ANK2: variants seen among roughly 807,000 people sequenced by gnomAD.
ANK2 encodes the protein ankyrin 2.
Under a neutral mutation model 360.5 loss-of-function variants are expected in ANK2, and 83 were observed. The observed-to-expected ratio is 0.23, with a 90% confidence interval of 0.19 to 0.28. ANK2 has a LOEUF of 0.28. Ranked by LOEUF, ANK2 falls within the 10% of genes least tolerant of loss-of-function variation. The pLI, the probability that ANK2 is intolerant of heterozygous loss-of-function variation, is 1.00. For missense variants in ANK2, 4,201 were observed against 4,795.7 expected (o/e 0.88, Z 3.66); for synonymous variants, 1,740 against 1,759.5 (o/e 0.99, Z 0.28).
chr4:113,131,547 A>G (rs1468832154), intron 1 of ANK2, among the ~76,000 whole-genome samples: 1 of 152,216 alleles, frequency 6.6e-6, no homozygotes, highest in African/African-American at 2.4e-5. Flanking sequence ...GAAAGCTGCT[A>G]AAAAGCCTGC....
chr4:112,945,812 C>T (rs2154249750), intron 2 of ANK2, among the ~76,000 whole-genome samples: 1 of 152,268 alleles, frequency 6.6e-6, no homozygotes, highest in African/African-American at 2.4e-5. Flanking sequence ...ATTATGTCAC[C>T]TTTCCCAAGT....
intron 15 of ANK2, among the ~76,000 whole-genome samples, chr4:113,275,949 T>G (rs2060085474): frequency 6.8e-6 from 1 of 147,334 alleles, no homozygotes; most frequent in South Asian, 2.2e-4. Context: ...TTTTTTTTTT[T>G]TTTTTTTTTT....
intron 2 of ANK2, among the ~76,000 whole-genome samples, chr4:112,960,171 G>A (rs17008017): frequency 0.026 from 3,901 of 152,214 alleles, 147 homozygotes; most frequent in African/African-American, 0.085. Flanking sequence ...CTGTGATAAC[G>A]TAAAGCCCAT....
At chr4:113,040,961 C>G (rs545237844) in intron 2 of ANK2, among the ~76,000 whole-genome samples, 1 of 152,044 alleles carries the variant, frequency 6.6e-6, no homozygotes, top group African/African-American at 2.4e-5. Context: ...AGGCAAGATG[C>G]CTTCCCACTG....
intron 2 of ANK2, among the ~76,000 whole-genome samples, chr4:112,943,725 C>T (rs2094385132): frequency 6.6e-6 from 1 of 152,050 alleles, no homozygotes; most frequent in African/African-American, 2.4e-5. Context: ...CAGTGTTTCA[C>T]AAAAATAATA....
At chr4:113,305,326 C>T (rs1442933595) in intron 23 of ANK2, among the ~76,000 whole-genome samples, 1 of 103,780 alleles carries the variant, frequency 9.6e-6, no homozygotes, top group Non-Finnish European at 1.8e-5. Context: ...GGCGACAGAG[C>T]GAGACTCCGT....
intron 4 of ANK2, among the ~76,000 whole-genome samples, chr4:113,221,302 A>G (rs900354652): frequency 1.3e-5 from 2 of 152,338 alleles, no homozygotes; most frequent in East Asian, 3.9e-4. Context: ...TTTTCATTAT[A>G]ACTTACTGAG....
At chr4:113,267,290 A>G (rs2056577925) in intron 14 of ANK2, among the ~76,000 whole-genome samples, 1 of 152,160 alleles carries the variant, frequency 6.6e-6, no homozygotes, top group Non-Finnish European at 1.5e-5. Context: ...TTTTGTTGCC[A>G]TGGCTTTTGG....
intron 2 of ANK2, among the ~76,000 whole-genome samples, chr4:113,028,193 G>A (rs2059665966): frequency 1.3e-5 from 2 of 152,004 alleles, no homozygotes; most frequent in African/African-American, 4.8e-5. Flanking sequence ...AAAATACTAT[G>A]AGAGCACAGA....
the ANK2 span, among the ~76,000 whole-genome samples, chr4:112,769,385 T>C: frequency 1.3e-5 from 2 of 152,292 alleles, no homozygotes; most frequent in Admixed American, 6.5e-5. Flanking sequence ...AATTATATAA[T>C]AGGTTAAAGG....
intron 1 of ANK2, among the ~76,000 whole-genome samples, chr4:113,084,020 T>G (rs925374311): frequency 2.6e-5 from 4 of 152,242 alleles, no homozygotes; most frequent in South Asian, 4.1e-4. Context: ...TTGCGATTGT[T>G]CGGGGACTCA....
chr4:113,184,265 A>G (rs1022544723), intron 2 of ANK2, among the ~76,000 whole-genome samples: 1 of 151,820 alleles, frequency 6.6e-6, no homozygotes, highest in Non-Finnish European at 1.5e-5. Flanking sequence ...AAAAGGAGGT[A>G]TACAGAAGTG....
At chr4:113,070,167 T>C (rs1187146029) in intron 1 of ANK2, 1 of 152,164 alleles carries the variant, frequency 6.6e-6, no homozygotes, top group Admixed American at 6.5e-5. Flanking sequence ...CTCAGAGAGG[T>C]TACATCTTAT....
the ANK2 span, among the ~76,000 whole-genome samples, chr4:112,732,555 A>T: frequency 1.3e-5 from 2 of 152,156 alleles, no homozygotes; most frequent in African/African-American, 4.8e-5. Context: ...GGGATTTTTA[A>T]TTGTAGCAGT....
At chr4:112,974,804 C>G (rs888280876) in intron 2 of ANK2, among the ~76,000 whole-genome samples, 16 of 150,506 alleles carry the variant, frequency 1.1e-4, no homozygotes, top group African/African-American at 3.9e-4. Context: ...TTTTCCTCTC[C>G]TCATTTAGCT....
In ANK2 at chr4:113,274,368, A is replaced by C. The variant is rs2059519260; in HGVS notation, c.1486-84A>C. ...TGGGGTTCCTAGAGATTCCAAGAAG[A>C]CATCATGAAATATGTGAGTGAAACA... On this transcript the variant is annotated intron_variant, in intron 14 of 45. Transcript: ENST00000357077. 6 of 1,420,656 alleles carry C rather than the reference A, an allele frequency of 4.2e-6. No individual in the cohort carries two copies. In the Admixed American group the frequency reaches 5.0e-5, roughly 12 times the overall value. The allele number at this position is 1,420,656 out of a possible 1,614,324, so 88.0% of individuals were successfully genotyped here. A position where few individuals can be genotyped will look rare whatever the true frequency, so the allele number is the denominator to read the frequency against.
intron 1 of ANK2, among the ~76,000 whole-genome samples, chr4:112,870,985 G>A (rs1455044851): frequency 6.6e-6 from 1 of 151,922 alleles, no homozygotes; most frequent in Non-Finnish European, 1.5e-5. Context: ...AGTTTTCAGT[G>A]TACTTCTTTA....
chr4:112,915,331 A>G (rs989480742), intron 2 of ANK2, among the ~76,000 whole-genome samples: 5 of 152,228 alleles, frequency 3.3e-5, no homozygotes, highest in Admixed American at 6.5e-5. Context: ...CCACTTTACC[A>G]AGAACATGAG....
chr4:113,339,448 C>T (rs2093992599), intron 32 of ANK2, 126 bp downstream of exon 32: 2 of 788,278 alleles, frequency 2.5e-6, no homozygotes, highest in Admixed American at 2.1e-5. Context: ...ATATGGTCTG[C>T]CTTTGCTTTT....
Sources: allele counts gnomAD v4.1 joint callset (sites outside exome capture counted in the v4.1 genomes callset), GRCh38; gene constraint gnomAD v4.1.1; transcripts MANE v1.5; gene names NCBI Gene and HGNC (gene_info 2026-07-23, HGNC 2026-07-21).